Variants in IFT140 observed in about 807,000 individuals in gnomAD.
IFT140 encodes intraflagellar transport 140, also known as intraflagellar transport protein 140 homolog.
A neutral mutation model predicts 164.6 loss-of-function variants in IFT140; 133 were observed. The ratio of observed to expected loss-of-function variants is 0.81; its 90% CI spans 0.70 to 0.93. The LOEUF is 0.93. Ranked by LOEUF, IFT140 falls within the 40% of genes least tolerant of loss-of-function variation. The probability of loss-of-function intolerance (pLI) is 0.00; values close to 1 mark genes in which losing one functional copy is unlikely to be tolerated. For synonymous variants in IFT140, 860 were observed against 817.3 expected, an observed-to-expected ratio of 1.05 and a Z score of -0.89; for missense variants, 2,045 against 1,972.3, an observed-to-expected ratio of 1.04 and a Z score of -0.70.
intron 13 of IFT140, among the ~76,000 whole-genome samples, chr16:1,575,198 C>CA (rs2034213179): frequency 1.3e-5 from 2 of 149,290 alleles, no homozygotes; most frequent in African/African-American, 5.0e-5. Context: ...CCCATGTCTA[C>CA]AAAAATATAA....
Position 1,526,641 on chromosome 16 carries a change from AGCACGGCCACG to A in IFT140, c.2544_2554del (p.Val849GlyfsTer99). The stretch of plus-strand genomic sequence containing the variant: ...CACCAGCATGCCCAGCTGCGTGGCC[AGCACGGCCACG>A]CGGGCCTCTAGCTCCGGCTCCTGCT... On this transcript the variant is annotated frameshift_variant, in exon 20 of 31. Coordinates refer to ENST00000426508, the MANE Select transcript of IFT140 (RefSeq NM_014714.4). LOFTEE classifies it high-confidence loss of function. The A allele has an allele frequency of 6.4e-7, 1 of 1,568,752 alleles. No homozygotes were observed. The highest frequency in any genetic ancestry group is 1.4e-5 in the African/African-American group (1 of 73,900).
chr16:1,544,805 C>A (rs943193724), intron 19 of IFT140, among the ~76,000 whole-genome samples: 1 of 150,578 alleles, frequency 6.6e-6, no homozygotes, highest in African/African-American at 2.5e-5. Context: ...CCCGCCACCA[C>A]GCCTGGCTAA....
Position 1,537,232 on chromosome 16 carries a change from G to T in IFT140, c.2400-10436C>A, listed in dbSNP as rs577129500. 8.6e-5 allele frequency among the ~76,000 whole-genome samples: 13 copies of T among 151,658 alleles called. No individual in the cohort carries two copies. The East Asian group carries it at 2.5e-3, about 29-fold the overall frequency. On this transcript the variant is annotated intron_variant, in intron 19 of 30. Transcript: ENST00000426508. The stretch of plus-strand genomic sequence containing the variant: ...CGCGTGCCTCCTCACGCAGGCCAGG[G>T]AAGACAACGCCACACCGCGTGCCTC...
intron 18 of IFT140, among the ~76,000 whole-genome samples, chr16:1,559,943 C>T (rs34316191): frequency 0.048 from 7,336 of 152,188 alleles, 232 homozygotes; most frequent in Middle Eastern, 0.12. Context: ...GAGGAGTGGA[C>T]GCATGCGGGA....
Position 1,561,967 on chromosome 16 carries a change from G to T in IFT140, c.2199+18C>A. On this transcript the variant is annotated intron_variant, in intron 18 of 30. Transcript: ENST00000426508. The stretch of plus-strand genomic sequence containing the variant: ...GGAGAGATCAGAAGACACCTGTGCG[G>T]ATGTCGTGGCTTCGTACCTTTCTTG... 1 of 1,584,532 alleles carries T rather than the reference G, an allele frequency of 6.3e-7. No homozygotes were observed. The highest frequency in any genetic ancestry group is 8.6e-7 in the Non-Finnish European group (1 of 1,165,190).
chr16:1,555,278 C>G (rs920287274), intron 19 of IFT140: 1 of 497,122 alleles, frequency 2.0e-6, no homozygotes, highest in African/African-American at 1.9e-5. Flanking sequence ...CACGACCACA[C>G]GCACTTCAGG....
chr16:1,548,344 G>A (rs774477108), intron 19 of IFT140, among the ~76,000 whole-genome samples: 10 of 152,218 alleles, frequency 6.6e-5, no homozygotes, highest in East Asian at 5.8e-4. Context: ...CATTCCAAAA[G>A]GAAGGCCTGT....
rs867074389 is a variant in IFT140 at position 1,580,769 on chromosome 16, C to G, written c.1514G>C (p.Arg505Pro). 6.2e-7 allele frequency: 1 copy of G among 1,612,904 alleles called. No individual in the cohort carries two copies. The highest frequency in any genetic ancestry group is 2.2e-5 in the East Asian group (1 of 44,890). The part of the protein sequence containing the change: ...YTVESNRVQV[R>P]TWQGTVKQLL... The stretch of plus-strand genomic sequence containing the variant: ...GGAGCAGCAACTTACCTGCCAGGTT[C>G]GAACTTGAACTCGGTTTGACTCCAC... The change falls in exon 13 of 31, where the codon CGA (arginine) becomes CCA (proline). Residue 505 changes from arginine to proline, a missense_variant. Physicochemically the swap from Arg to Pro is moderately radical, Grantham distance 103. Transcript: ENST00000426508.
Position 1,583,364 on chromosome 16 carries a change from C to G in IFT140, c.1382G>C (p.Gly461Ala), listed in dbSNP as rs764203704. ...AAGCTCGAAGATCGCCACCTGCCTT[C>G]CGTTCCAGACTGCGACAGCATCCTG... Reference protein sequence around the residue: ...ATKDAVAVWNGRQVAIFELSG... With the variant: ...ATKDAVAVWNARQVAIFELSG... The change falls in exon 12 of 31, where the codon GGA (glycine) becomes GCA (alanine). Residue 461 changes from glycine (G) to alanine (A), a missense_variant. Coordinates refer to ENST00000426508, the MANE Select transcript of IFT140 (RefSeq NM_014714.4). 6 of 1,614,166 alleles carry G rather than the reference C, an allele frequency of 3.7e-6. No homozygotes were observed. In the East Asian group the frequency reaches 1.3e-4, roughly 36 times the overall value.
intron 22 of IFT140, 46 bp from the exon 23 acceptor site, chr16:1,524,962 C>T: frequency 6.4e-7 from 1 of 1,572,096 alleles, no homozygotes; most frequent in Non-Finnish European, 8.6e-7. Flanking sequence ...AGCCCCGCTC[C>T]AACCCGGGAC....
rs780542770 is a variant in IFT140, at chr16:1,524,578, A to C, written c.3115T>G (p.Phe1039Val). 6.2e-7 allele frequency: 1 copy of C among 1,611,198 alleles called. No individual in the cohort carries two copies. Among genetic ancestry groups the C allele is most frequent in the Non-Finnish European group, 8.5e-7 (1 of 1,178,712 alleles). Residue 1039 changes from phenylalanine (F) to valine (V), a missense_variant, in exon 24 of 31, where the codon TTC becomes GTC. By Grantham distance (50) the Phe-to-Val change is conservative. Transcript: ENST00000426508. ...TTGCACAGGCGGATGGCATTCTTGA[A>C]GGCCTGTGCCCGGGTGTAGAAGTGC... ...AVHFYTRAQA[F>V]KNAIRLCKEN...
chr16:1,587,678 G>A (rs534792137), intron 8 of IFT140, among the ~76,000 whole-genome samples: 60 of 152,286 alleles, frequency 3.9e-4, no homozygotes, highest in African/African-American at 1.2e-3. Flanking sequence ...GAGATTCCAC[G>A]GGCAAACACC....
At position 1,523,711 on chromosome 16, in the gene IFT140, G is replaced by A. The variant is rs372111705; in HGVS notation, c.3271-11C>T. 10 of 1,612,042 alleles carry A rather than the reference G, an allele frequency of 6.2e-6. No homozygotes were observed. The highest frequency in any genetic ancestry group is 6.8e-6 in the Non-Finnish European group (8 of 1,179,312). On this transcript the variant is annotated splice_polypyrimidine_tract_variant and intron_variant, in intron 25 of 30. Transcript: ENST00000426508. ...GGAGAAGTGGCCAGCCTGCGGATAC[G>A]GTGGGCTCTGAGCAGCTGCCCGAGG...
chr16:1,591,494 AG>A (rs2035179164), intron 6 of IFT140, among the ~76,000 whole-genome samples: 1 of 152,168 alleles, frequency 6.6e-6, no homozygotes, highest in Non-Finnish European at 1.5e-5. Context: ...CGATAGCAAA[AG>A]CCTCCTTTCT....
At chr16:1,554,804 C>G (rs374245889) in intron 19 of IFT140, 2 of 1,614,158 alleles carry the variant, frequency 1.2e-6, no homozygotes, top group Non-Finnish European at 8.5e-7. Context: ...TCATCGGGCT[C>G]GTGACTTTCT....
In IFT140 at chr16:1,553,212, C is replaced by T. The variant is rs1484234459; in HGVS notation, c.2399+4723G>A. 6 of 980,702 alleles carry T rather than the reference C, an allele frequency of 6.1e-6. No individual in the cohort carries two copies. The African/African-American group carries it at 1.1e-4, about 17-fold the overall frequency. The allele number at this position is 980,702 out of a possible 1,614,324, so 60.8% of individuals were successfully genotyped here. On this transcript the variant is annotated intron_variant, in intron 19 of 30. Coordinates refer to ENST00000426508, the MANE Select transcript of IFT140 (RefSeq NM_014714.4). The surrounding 1 kb of genome is among the most constrained non-coding windows in gnomAD (Gnocchi z 4.4). Reference sequence around the variant, plus strand: ...TCCTTCCCTGTGTCTCTGTCTCTGTCTCTCTCTGTCTCCATCTGTCTCTGT... The same window carrying T: ...TCCTTCCCTGTGTCTCTGTCTCTGTTTCTCTCTGTCTCCATCTGTCTCTGT...
intron 13 of IFT140, among the ~76,000 whole-genome samples, chr16:1,574,735 C>T (rs1246403608): frequency 6.6e-6 from 1 of 151,942 alleles, no homozygotes; most frequent in Non-Finnish European, 1.5e-5. Context: ...CCATATCCCA[C>T]CCCCTTCCAT....
intron 19 of IFT140, among the ~76,000 whole-genome samples, chr16:1,539,057 G>A (rs1034400626): frequency 1.4e-5 from 2 of 144,242 alleles, no homozygotes; most frequent in South Asian, 2.2e-4. Flanking sequence ...ATGGCCCCAC[G>A]CCTCAGGCCT....
In IFT140 at chr16:1,610,859, A is replaced by T. The variant is rs886051772; in HGVS notation, c.-221-6T>A. On this transcript the variant is annotated splice_region_variant and splice_polypyrimidine_tract_variant and intron_variant, in intron 1 of 30. Transcript: ENST00000426508. Reference sequence around the variant, plus strand: ...GGGGGCCAGGTTATTCCGCTCTGCAAGAGAGAAGCGGGACGAGCTTTTTCT... The same window carrying T: ...GGGGGCCAGGTTATTCCGCTCTGCATGAGAGAAGCGGGACGAGCTTTTTCT... 1 of 153,286 alleles carries T rather than the reference A, an allele frequency of 6.5e-6. No individual in the cohort carries two copies. The highest frequency in any genetic ancestry group is 1.5e-5 in the Non-Finnish European group (1 of 68,214). The allele number at this position is 153,286 out of a possible 1,614,324, so 9.5% of individuals were successfully genotyped here.
Sources: allele counts gnomAD v4.1 joint callset (sites outside exome capture counted in the v4.1 genomes callset), GRCh38; gene constraint gnomAD v4.1.1; non-coding constraint Gnocchi (gnomAD v3.1); transcripts MANE v1.5; gene names NCBI Gene and HGNC (gene_info 2026-07-23, HGNC 2026-07-21).